CSMD1: variants seen among roughly 807,000 people sequenced by gnomAD.
The protein encoded by CSMD1 is CUB and sushi domain-containing protein 1.
A neutral mutation model predicts 417.5 loss-of-function variants in CSMD1; 213 were observed. The observed-to-expected ratio is 0.51, with a 90% CI of 0.46 to 0.57. The LOEUF (loss-of-function observed/expected upper bound fraction) is 0.57. CSMD1 is among the 20% of genes least tolerant of loss of function. The pLI is 0.00. For synonymous variants in CSMD1, 2,862 were observed against 1,736.8 expected (o/e 1.65, Z -16.11); for missense variants, 6,923 against 4,529.7 (o/e 1.53, Z -15.17).
At chr8:4,476,587 CA>C (rs1800815572) in intron 2 of CSMD1, among the ~76,000 whole-genome samples, 1 of 152,124 alleles carries the variant, frequency 6.6e-6, no homozygotes, top group Non-Finnish European at 1.5e-5. Context: ...TAGGTCTCCA[CA>C]ACACTTTTAG....
chr8:3,275,535 G>A (rs577754339), intron 26 of CSMD1, among the ~76,000 whole-genome samples: 1 of 152,248 alleles, frequency 6.6e-6, no homozygotes, highest in South Asian at 2.1e-4. Flanking sequence ...TTCCTACTTG[G>A]TTCCATTGTC....
At chr8:4,147,422 C>G (rs1417060918) in intron 3 of CSMD1, among the ~76,000 whole-genome samples, 1 of 152,096 alleles carries the variant, frequency 6.6e-6, no homozygotes, top group African/African-American at 2.4e-5. Context: ...TCTAGAATGG[C>G]TTTTCCACCT....
At chr8:4,932,789 A>G (rs1455430330) in intron 1 of CSMD1, among the ~76,000 whole-genome samples, 1 of 152,328 alleles carries the variant, frequency 6.6e-6, no homozygotes, top group East Asian at 1.9e-4. Context: ...ATTTTTAAAT[A>G]TTCAATAGAG....
intron 12 of CSMD1, among the ~76,000 whole-genome samples, chr8:3,450,965 C>G (rs540770619): frequency 2.0e-5 from 3 of 152,144 alleles, no homozygotes. Flanking sequence ...ACCACATCCT[C>G]TCCAGCACCT....
chr8:4,521,026 C>T (rs902587220), intron 2 of CSMD1, among the ~76,000 whole-genome samples: 14 of 152,054 alleles, frequency 9.2e-5, no homozygotes, highest in African/African-American at 1.7e-4. Context: ...TTTCAACCAT[C>T]GCATATAAAA....
chr8:4,491,672 C>T (rs1448053771), intron 2 of CSMD1, among the ~76,000 whole-genome samples: 1 of 152,120 alleles, frequency 6.6e-6, no homozygotes, highest in Non-Finnish European at 1.5e-5. Context: ...ACATGAGACA[C>T]CACTACACAC....
chr8:3,452,967 A>G (rs1392537734), intron 12 of CSMD1, among the ~76,000 whole-genome samples: 2 of 152,118 alleles, frequency 1.3e-5, no homozygotes, highest in Non-Finnish European at 2.9e-5. Context: ...TTGGTTGGTA[A>G]GCTATTAATT....
chr8:2,947,895 T>C (rs1212550698), intron 68 of CSMD1, among the ~76,000 whole-genome samples: 1 of 151,968 alleles, frequency 6.6e-6, no homozygotes, highest in African/African-American at 2.4e-5. Flanking sequence ...GTGGGTTGAA[T>C]AGTGGAAGTA....
At chr8:4,293,955 A>T (rs1225713461) in intron 3 of CSMD1, among the ~76,000 whole-genome samples, 1 of 151,878 alleles carries the variant, frequency 6.6e-6, no homozygotes, top group African/African-American at 2.4e-5. Flanking sequence ...ACTTTCTACA[A>T]GTTCTAAAGC....
intron 3 of CSMD1, among the ~76,000 whole-genome samples, chr8:4,304,710 C>G (rs376830829): frequency 6.6e-6 from 1 of 152,102 alleles, no homozygotes; most frequent in East Asian, 1.9e-4. Context: ...CCCCTCCCTA[C>G]AAGGAGAGCC....
chr8:3,482,421 CA>C (rs1368783312), intron 11 of CSMD1, among the ~76,000 whole-genome samples: 2 of 152,016 alleles, frequency 1.3e-5, no homozygotes, highest in Non-Finnish European at 2.9e-5. Context: ...GTATCAGAGA[CA>C]AAGAGGGACA....
intron 12 of CSMD1, among the ~76,000 whole-genome samples, chr8:3,449,984 G>C (rs888639606): frequency 3.3e-5 from 5 of 152,216 alleles, no homozygotes; most frequent in Non-Finnish European, 5.9e-5. Flanking sequence ...AAGTGGAAAA[G>C]CCAGACGGGA....
chr8:4,035,173 ATGT>A (rs34999963), intron 3 of CSMD1, among the ~76,000 whole-genome samples: 18,031 of 152,098 alleles, frequency 0.12, 1,404 homozygotes, highest in South Asian at 0.23. Flanking sequence ...TGGCGTACTG[ATGT>A]TGTAGCCGTC....
intron 1 of CSMD1, among the ~76,000 whole-genome samples, chr8:4,911,103 T>A (rs1229594849): frequency 6.6e-6 from 1 of 152,264 alleles, no homozygotes; most frequent in Non-Finnish European, 1.5e-5. Context: ...CATGTGGAAC[T>A]GTAAGTCCAT....
chr8:3,245,766 G>A (rs1390408334), intron 26 of CSMD1, among the ~76,000 whole-genome samples: 1 of 152,174 alleles, frequency 6.6e-6, no homozygotes, highest in Non-Finnish European at 1.5e-5. Context: ...CGGACTATGT[G>A]TTGACCAAGG....
chr8:4,347,372 G>T (rs1584935755), intron 3 of CSMD1, among the ~76,000 whole-genome samples: 1 of 152,112 alleles, frequency 6.6e-6, no homozygotes, highest in Non-Finnish European at 1.5e-5. Context: ...TCTGCTCTTT[G>T]ATTTCTTGGG....
Position 4,148,592 on chromosome 8 carries a change from G to A in CSMD1, c.416-116493C>T, listed in dbSNP as rs148536250. On this transcript the variant is annotated intron_variant, in intron 3 of 69. Transcript: ENST00000635120. ...TCAAGCTCTAGGAGACCAGCTGTCT[G>A]GTCTGGTGAGAGCCTTGTGTGTAGA... Among the ~76,000 whole-genome samples the A allele has an allele frequency of 6.4e-3, 970 of 152,212 alleles. 9 individuals are homozygous for A. Among genetic ancestry groups the A allele is most frequent in the African/African-American group, 0.022 (933 of 41,542 alleles).
chr8:3,627,806 T>G (rs1796568763), intron 7 of CSMD1, among the ~76,000 whole-genome samples: 1 of 152,190 alleles, frequency 6.6e-6, no homozygotes. Context: ...TCTTGTTTAT[T>G]TAGCTGATAA....
chr8:3,301,776 G>C (rs1223460027), intron 25 of CSMD1, among the ~76,000 whole-genome samples: 1 of 152,124 alleles, frequency 6.6e-6, no homozygotes, highest in African/African-American at 2.4e-5. Flanking sequence ...CGTACAGTGA[G>C]GGTATTTGAG....
Sources: gnomAD v4.1 joint callset for allele counts (sites outside exome capture counted in the v4.1 genomes callset) on GRCh38, gnomAD v4.1.1 for gene constraint, MANE v1.5 for transcripts, NCBI Gene and HGNC (gene_info 2026-07-23, HGNC 2026-07-21) for gene names.